PID1: variants seen among roughly 807,000 people sequenced by gnomAD.
PID1 encodes the protein phosphotyrosine interaction domain containing 1.
PID1 carries 10 observed loss-of-function variants against 19.1 expected under a neutral mutation model. That is an observed-to-expected ratio of 0.52 (90% CI 0.32 to 0.89). PID1 has a LOEUF of 0.89. Among genes scored for constraint, PID1 ranks in the 40% least tolerant of loss-of-function variants. The pLI, the probability that PID1 is intolerant of heterozygous loss-of-function variation, is 0.03. For missense variants in PID1, 248 were observed against 285.3 expected, an observed-to-expected ratio of 0.87 and a Z score of 0.94; for synonymous variants, 130 against 116.0, an observed-to-expected ratio of 1.12 and a Z score of -0.78.
chr2:229,228,115 A>G (rs1346093035), intron 1 of PID1: 1 of 449,382 alleles, frequency 2.2e-6, no homozygotes, highest in Non-Finnish European at 4.5e-6. Context: ...ACCAAATCCA[A>G]GAGAATCGAG....
At chr2:229,248,713 G>T (rs1690067440) in intron 1 of PID1, among the ~76,000 whole-genome samples, 1 of 151,918 alleles carries the variant, frequency 6.6e-6, no homozygotes, top group Admixed American at 6.6e-5. Flanking sequence ...TTATTTGTTT[G>T]CTTATTCCTT....
At chr2:229,176,759 A>C (rs1470828931) in intron 1 of PID1, among the ~76,000 whole-genome samples, 1 of 152,204 alleles carries the variant, frequency 6.6e-6, no homozygotes, top group Admixed American at 6.5e-5. Flanking sequence ...GAAGCCAAAA[A>C]ATCTACTGTG....
At chr2:229,202,576 C>G (rs966536427) in intron 1 of PID1, among the ~76,000 whole-genome samples, 1 of 151,968 alleles carries the variant, frequency 6.6e-6, no homozygotes, top group Non-Finnish European at 1.5e-5. Context: ...TCACAAGATA[C>G]TTTCAGATTC....
At chr2:229,207,317 A>G (rs1574721968) in intron 1 of PID1, among the ~76,000 whole-genome samples, 1 of 152,096 alleles carries the variant, frequency 6.6e-6, no homozygotes, top group Admixed American at 6.6e-5. Flanking sequence ...GGCCATAAGT[A>G]TGGGACTGAA....
chr2:229,220,025 C>CTT, intron 1 of PID1, among the ~76,000 whole-genome samples: 3 of 143,544 alleles, frequency 2.1e-5, no homozygotes, highest in Admixed American at 2.1e-4. Context: ...TTTGGGGACT[C>CTT]TTTTTTTTTT....
At chr2:229,194,229 A>G (rs1691323902) in intron 1 of PID1, among the ~76,000 whole-genome samples, 2 of 151,946 alleles carry the variant, frequency 1.3e-5, no homozygotes, top group Admixed American at 1.3e-4. Flanking sequence ...CAGTTAAAAA[A>G]CCCCATTAAC....
intron 2 of PID1, among the ~76,000 whole-genome samples, chr2:229,048,393 T>A (rs1693925595): frequency 6.6e-6 from 1 of 152,338 alleles, no homozygotes; most frequent in African/African-American, 2.4e-5. Flanking sequence ...GAGGGAATCC[T>A]CTGGAGGGTC....
At chr2:229,160,312 T>C (rs1434635827) in intron 1 of PID1, among the ~76,000 whole-genome samples, 1 of 151,948 alleles carries the variant, frequency 6.6e-6, no homozygotes, top group African/African-American at 2.4e-5. Context: ...CCTGCCCCTT[T>C]GATTGCTTGG....
intron 1 of PID1, among the ~76,000 whole-genome samples, chr2:229,249,087 C>T (rs1044010220): frequency 6.6e-6 from 1 of 152,126 alleles, no homozygotes; most frequent in Non-Finnish European, 1.5e-5. Flanking sequence ...TAATTAATTG[C>T]CATTTATGAA....
At chr2:229,054,717 TGTGGGGGGG>T (rs1431753256) in intron 2 of PID1, among the ~76,000 whole-genome samples, 1 of 8,732 alleles carries the variant, frequency 1.1e-4, no homozygotes, top group Non-Finnish European at 2.9e-4. Flanking sequence ...TGTGTGTGTG[TGTGGGGGGG>T]GGGGGGGGTC....
At chr2:229,152,560 C>T (rs562037345) in intron 2 of PID1, among the ~76,000 whole-genome samples, 49 of 152,096 alleles carry the variant, frequency 3.2e-4, no homozygotes, top group African/African-American at 1.2e-3. Context: ...GCCATCATTG[C>T]TGCAGCAAAA....
chr2:229,128,203 C>G (rs1695663143), intron 2 of PID1, among the ~76,000 whole-genome samples: 1 of 152,150 alleles, frequency 6.6e-6, no homozygotes, highest in African/African-American at 2.4e-5. Context: ...TCCAGGGAGG[C>G]AGGAAAAAAG....
Position 229,217,469 on chromosome 2 carries a change from T to C in PID1, c.30+53545A>G, listed in dbSNP as rs577449427. Among the ~76,000 whole-genome samples the C allele has an allele frequency of 4.6e-5, 7 of 152,248 alleles. No individual in the cohort carries two copies. In the South Asian group the frequency reaches 8.3e-4, roughly 18 times the overall value. On this transcript the variant is annotated intron_variant, in intron 1 of 2. Transcript: ENST00000392055. ...GTAAACAAGATTCATTAATCTCACT[T>C]GGGATCAGAAAATGGAGAGAGATGG...
chr2:229,123,927 T>A (rs952817620), intron 2 of PID1, among the ~76,000 whole-genome samples: 10 of 152,226 alleles, frequency 6.6e-5, no homozygotes, highest in African/African-American at 2.4e-4. Context: ...ATTAGCTACA[T>A]TATTTGCAAA....
At chr2:229,120,683 G>C (rs1403905328) in intron 2 of PID1, among the ~76,000 whole-genome samples, 2 of 151,654 alleles carry the variant, frequency 1.3e-5, no homozygotes, top group African/African-American at 4.8e-5. Flanking sequence ...GTCATGGTTT[G>C]GATATCATTT....
chr2:229,041,990 A>T lies in PID1; in HGVS notation c.178-15882T>A, dbSNP rs551619141. ...AAAGTACAATAGTTTACAATTGTGA[A>T]AATATGAGTAATGTCTCTAGATTAT... On this transcript the variant is annotated intron_variant, in intron 2 of 2. Transcript: ENST00000392055. Among the ~76,000 whole-genome samples the T allele has an allele frequency of 2.0e-5, 3 of 152,332 alleles. No homozygotes were observed. In the East Asian group the frequency reaches 5.8e-4, roughly 29 times the overall value.
intron 1 of PID1, among the ~76,000 whole-genome samples, chr2:229,257,345 TTCTC>T (rs761441775): frequency 3.3e-5 from 5 of 152,158 alleles, no homozygotes; most frequent in Non-Finnish European, 5.9e-5. Flanking sequence ...AGCCTACCAT[TTCTC>T]TCTCTTTCTT....
At chr2:229,238,982 G>T (rs1689796869) in intron 1 of PID1, among the ~76,000 whole-genome samples, 1 of 151,850 alleles carries the variant, frequency 6.6e-6, no homozygotes, top group Non-Finnish European at 1.5e-5. Context: ...CACTTAATTT[G>T]AAAAGTGGTT....
intron 1 of PID1, among the ~76,000 whole-genome samples, chr2:229,186,461 A>T (rs1265169529): frequency 1.3e-5 from 2 of 152,126 alleles, no homozygotes; most frequent in African/African-American, 4.8e-5. Context: ...CTGCTCCTAT[A>T]GCAAACTTTG....
Sources: gnomAD v4.1 joint callset for allele counts (sites outside exome capture counted in the v4.1 genomes callset) on GRCh38, gnomAD v4.1.1 for gene constraint, MANE v1.5 for transcripts, NCBI Gene and HGNC (gene_info 2026-07-23, HGNC 2026-07-21) for gene names.